Variants in ASTN2 observed in about 807,000 individuals in gnomAD.
ASTN2 encodes the protein astrotactin-2.
Under a neutral mutation model 139.8 loss-of-function variants are expected in ASTN2, and 54 were observed. The ratio of observed to expected loss-of-function variants is 0.39; its 90% CI spans 0.31 to 0.48. ASTN2 has a LOEUF of 0.48. ASTN2 is among the 20% of genes least tolerant of loss of function. The probability of loss-of-function intolerance (pLI) is 0.95; values close to 1 mark genes in which losing one functional copy is unlikely to be tolerated. For missense variants in ASTN2, 1,565 were observed against 1,725.1 expected (o/e 0.91, Z 1.64); for synonymous variants, 756 against 719.5 (o/e 1.05, Z -0.81).
chr9:117,116,833 C>CAA (rs1829405406), intron 4 of ASTN2, among the ~76,000 whole-genome samples: 1 of 9,096 alleles, frequency 1.1e-4, no homozygotes, highest in Non-Finnish European at 1.9e-4. Context: ...CTGGCATGAG[C>CAA]CAAAAAAAAA....
chr9:116,999,558 T>C lies in ASTN2; in HGVS notation c.1591+8534A>G, dbSNP rs1296961918. Reference sequence around the variant, plus strand: ...TTTCTTTCTCTCTTTCTTTTTTTTTTTTTTTTTTTTTTTTTTTTTTGGACA... The same window carrying C: ...TTTCTTTCTCTCTTTCTTTTTTTTTCTTTTTTTTTTTTTTTTTTTTGGACA... On this transcript the variant is annotated intron_variant, in intron 7 of 22. Transcript: ENST00000313400. Among the ~76,000 whole-genome samples the C allele has an allele frequency of 1.1e-4, 7 of 66,398 alleles. No individual in the cohort carries two copies. In the East Asian group the frequency reaches 2.8e-3, roughly 26 times the overall value. 43.6% of individuals were successfully genotyped at this position (66,398 alleles called of 152,430 possible).
At chr9:116,749,077 T>C (rs562892727) in intron 13 of ASTN2, among the ~76,000 whole-genome samples, 1 of 111,056 alleles carries the variant, frequency 9.0e-6, no homozygotes, top group African/African-American at 3.4e-5. Flanking sequence ...ATTGAACCTT[T>C]CCTGGACCTT....
chr9:116,743,174 T>C (rs1325639574), intron 13 of ASTN2, among the ~76,000 whole-genome samples: 2 of 152,146 alleles, frequency 1.3e-5, no homozygotes, highest in African/African-American at 4.8e-5. Context: ...AGAATGCAAC[T>C]GAGGCAAGAC....
chr9:117,223,181 T>C (rs1400051430), intron 2 of ASTN2, among the ~76,000 whole-genome samples: 1 of 152,184 alleles, frequency 6.6e-6, no homozygotes, highest in South Asian at 2.1e-4. Flanking sequence ...AAAACAGGGA[T>C]ACCATTGAGG....
In ASTN2 at chr9:116,693,530, A is replaced by AG. The variant is rs539378996; in HGVS notation, c.2806+32240dup. 1.3e-4 allele frequency among the ~76,000 whole-genome samples: 20 copies of AG among 152,084 alleles called. No homozygotes were observed. The East Asian group carries it at 3.9e-3, about 29-fold the overall frequency. ...TCATCGGGAGCTGAAGAGATGTGCT[A>AG]GTACAGTATGGTATGGGATGTACAG... On this transcript the variant is annotated intron_variant, in intron 16 of 22. Coordinates refer to ENST00000313400, the MANE Select transcript of ASTN2 (RefSeq NM_001365068.1).
At chr9:116,898,960 G>A (rs1833942890) in intron 10 of ASTN2, among the ~76,000 whole-genome samples, 1 of 152,154 alleles carries the variant, frequency 6.6e-6, no homozygotes, top group Non-Finnish European at 1.5e-5. Flanking sequence ...TCAGGCATGA[G>A]CTACCATATG....
intron 1 of ASTN2, among the ~76,000 whole-genome samples, chr9:117,307,671 C>T (rs1835036861): frequency 6.6e-6 from 1 of 152,218 alleles, no homozygotes; most frequent in Non-Finnish European, 1.5e-5. Context: ...TGGCCACCTT[C>T]ATGGGCAGAC....
chr9:117,084,624 C>T (rs527674490), intron 5 of ASTN2, among the ~76,000 whole-genome samples: 2 of 152,328 alleles, frequency 1.3e-5, no homozygotes, highest in East Asian at 1.9e-4. Flanking sequence ...AGACCTGATA[C>T]AAAAGTGACA....
intron 1 of ASTN2, among the ~76,000 whole-genome samples, chr9:117,371,823 C>T (rs970970041): frequency 5.3e-5 from 8 of 152,200 alleles, no homozygotes; most frequent in South Asian, 4.2e-4. Context: ...TCTCATTCTA[C>T]AGAGGAAATA....
At chr9:116,762,815 G>A (rs1829707109) in intron 13 of ASTN2, among the ~76,000 whole-genome samples, 1 of 152,212 alleles carries the variant, frequency 6.6e-6, no homozygotes, top group Non-Finnish European at 1.5e-5. Flanking sequence ...AGATCAGGTA[G>A]CTGGAAAGCT....
chr9:116,608,856 C>T (rs1427319069), intron 19 of ASTN2, among the ~76,000 whole-genome samples: 1 of 152,088 alleles, frequency 6.6e-6, no homozygotes, highest in African/African-American at 2.4e-5. Context: ...TTAAAAGTTA[C>T]TGTAACTATA....
intron 13 of ASTN2, among the ~76,000 whole-genome samples, chr9:116,783,510 A>G (rs1240676690): frequency 9.2e-5 from 14 of 152,172 alleles, no homozygotes; most frequent in Non-Finnish European, 1.8e-4. Flanking sequence ...GTGAGCATCT[A>G]CTATGCATCT....
chr9:116,701,040 T>C (rs1235767637), intron 16 of ASTN2: 2 of 167,072 alleles, frequency 1.2e-5, no homozygotes, highest in African/African-American at 2.4e-5. Context: ...AAAAGGAAGT[T>C]AGTCTTGTTT....
intron 1 of ASTN2, among the ~76,000 whole-genome samples, chr9:117,372,572 A>T (rs1830017414): frequency 6.6e-6 from 1 of 152,198 alleles, no homozygotes; most frequent in Non-Finnish European, 1.5e-5. Context: ...CAAACTGGAT[A>T]TAATAACAGT....
chr9:117,280,215 A>T (rs756524664), intron 2 of ASTN2, among the ~76,000 whole-genome samples: 7 of 152,168 alleles, frequency 4.6e-5, no homozygotes, highest in Admixed American at 1.3e-4. Context: ...CAGAAATGAC[A>T]TTGTCCTTAT....
At position 116,743,424 on chromosome 9, in the gene ASTN2, G is replaced by A. The variant is rs189216926; in HGVS notation, c.2397-9901C>T. ...AAATTAGCCAGGCGTGGTGGCGGAC[G>A]CCTGTAGTCCACGCTACTCAGGAGG... On this transcript the variant is annotated intron_variant, in intron 13 of 22. Coordinates refer to ENST00000313400, the MANE Select transcript of ASTN2 (RefSeq NM_001365068.1). Among the ~76,000 whole-genome samples, 547 of 152,212 alleles carry A rather than the reference G, an allele frequency of 3.6e-3. 4 individuals carry two copies. Among genetic ancestry groups the A allele is most frequent in the African/African-American group, 0.011 (440 of 41,560 alleles).
Position 116,935,407 on chromosome 9 carries a change from G to C in ASTN2, c.1889+39801C>G, listed in dbSNP as rs118190223. ...AGTAATACTGCCTACGTTATGGGAA[G>C]GTTGTGAGAATTAAGTAAAGTAAGC... On this transcript the variant is annotated intron_variant, in intron 10 of 22. Transcript: ENST00000313400. 1.2e-4 allele frequency among the ~76,000 whole-genome samples: 18 copies of C among 152,310 alleles called. No homozygotes were observed. The East Asian group carries it at 3.3e-3, about 28-fold the overall frequency.
intron 1 of ASTN2, among the ~76,000 whole-genome samples, chr9:117,310,092 C>T (rs1474426475): frequency 6.6e-6 from 1 of 152,104 alleles, no homozygotes; most frequent in Non-Finnish European, 1.5e-5. Context: ...CTTCTCTGAG[C>T]CAAACATATA....
chr9:116,912,348 C>A (rs1215108534), intron 10 of ASTN2, among the ~76,000 whole-genome samples: 1 of 152,242 alleles, frequency 6.6e-6, no homozygotes, highest in Non-Finnish European at 1.5e-5. Context: ...CAGATTCCAA[C>A]TGGCAAGTGA....
Sources: gnomAD v4.1 joint callset for allele counts (sites outside exome capture counted in the v4.1 genomes callset) on GRCh38, gnomAD v4.1.1 for gene constraint, MANE v1.5 for transcripts, NCBI Gene and HGNC (gene_info 2026-07-23, HGNC 2026-07-21) for gene names.